The following CANT1 variants were observed in gnomAD, a reference collection of about 807,000 sequenced individuals.
CANT1 encodes soluble calcium-activated nucleotidase 1.
Under a neutral mutation model 30.0 loss-of-function variants are expected in CANT1, and 26 were observed. That is an observed-to-expected ratio of 0.87 (90% CI 0.64 to 1.20). The LOEUF (loss-of-function observed/expected upper bound fraction) is 1.20. Among genes scored for constraint, CANT1 ranks in the 50% most tolerant of loss-of-function variants. The probability of loss-of-function intolerance (pLI) is 0.00; values close to 1 mark genes in which losing one functional copy is unlikely to be tolerated. For synonymous variants in CANT1, 246 were observed against 251.8 expected, an observed-to-expected ratio of 0.98 and a Z score of 0.22; for missense variants, 518 against 563.0, an observed-to-expected ratio of 0.92 and a Z score of 0.81.
chr17:78,995,051 C>T lies in CANT1; in HGVS notation c.802G>A (p.Ala268Thr), dbSNP rs762082546. ...TGGATGCCGGCAGCAGCCCGCAGGG[C>T]GTTGTAGTTGGACACCCAGTTCTCG... The part of the protein sequence containing the change: ...DHENWVSNYN[A>T]LRAAAGIQPP... The change falls in exon 4 of 5, where the codon GCC becomes ACC. Residue 268 changes from alanine (A) to threonine (T), a missense_variant. By Grantham distance (58) the Ala-to-Thr change is moderately conservative. Coordinates refer to ENST00000392446, the MANE Select transcript of CANT1 (RefSeq NM_001159773.2). This position sits in a 1 kb window ranked among gnomAD's most constrained non-coding sequence, Gnocchi z 5.7. The T allele has an allele frequency of 3.6e-5, 58 of 1,596,180 alleles. No individual in the cohort carries two copies. Among genetic ancestry groups the T allele is most frequent in the Admixed American group, 5.2e-5 (3 of 57,624 alleles).
At position 78,992,006 on chromosome 17, in the gene CANT1, A is replaced by G. The variant is rs2145832855; in HGVS notation, c.*1544T>C. On this transcript the variant is annotated 3_prime_UTR_variant, in exon 5 of 5. Transcript: ENST00000392446. ...CCCAGCCTGGACATCAAGGACAATG[A>G]TCTAGGAGGCGGGTCAAGGAGACAG... The G allele has an allele frequency of 4.3e-6, 1 of 231,512 alleles. No homozygotes were observed. Among genetic ancestry groups the G allele is most frequent in the African/African-American group, 2.2e-5 (1 of 45,332 alleles). 14.3% of individuals were successfully genotyped at this position (231,512 alleles called of 1,614,324 possible). A position where few individuals can be genotyped will look rare whatever the true frequency, so the allele number is the denominator to read the frequency against.
At chr17:79,007,133 C>T (rs187534376) in intron 1 of CANT1, among the ~76,000 whole-genome samples, 10 of 152,326 alleles carry the variant, frequency 6.6e-5, no homozygotes, top group Admixed American at 3.9e-4. Flanking sequence ...ATGACAAAGA[C>T]GAGCAGGGTC....
intron 1 of CANT1, among the ~76,000 whole-genome samples, chr17:79,007,695 T>A (rs1396151065): frequency 6.6e-6 from 1 of 152,128 alleles, no homozygotes; most frequent in Non-Finnish European, 1.5e-5. Context: ...ACTCTGCAGC[T>A]CAGGGGGGTC....
At chr17:79,003,447 CGGGGGTG>C (rs947125786) in intron 1 of CANT1, among the ~76,000 whole-genome samples, 2 of 116,254 alleles carry the variant, frequency 1.7e-5, no homozygotes, top group African/African-American at 7.1e-5. Context: ...GGTTCTTTTT[CGGGGGTG>C]GGGGGTGGGG....
At chr17:79,009,148 G>C (rs1207589974) in intron 1 of CANT1, among the ~76,000 whole-genome samples, 1 of 150,972 alleles carries the variant, frequency 6.6e-6, no homozygotes, top group African/African-American at 2.4e-5. Context: ...ACCAGAGGGG[G>C]AGGTGCCCCA....
chr17:78,994,064 C>T, intron 4 of CANT1, 144 bp from the exon 5 acceptor site: 1 of 1,196,064 alleles, frequency 8.4e-7, no homozygotes. Flanking sequence ...CCCTGCTCTC[C>T]AGGATTCTGG....
rs963869837 is a variant in CANT1, at chr17:79,009,671, G to A, written c.-154C>T. The A allele has an allele frequency of 1.3e-5, 2 of 152,098 alleles. No homozygotes were observed. Among genetic ancestry groups the A allele is most frequent in the African/African-American group, 4.8e-5 (2 of 41,366 alleles). The allele number at this position is 152,098 out of a possible 1,614,324, so 9.4% of individuals were successfully genotyped here. Reference sequence around the variant, plus strand: ...GCGGGCGCAGTCACTCACCCGCTGCGGGGCTGGCTCCGGTGCCCGCGATCG... The same window carrying A: ...GCGGGCGCAGTCACTCACCCGCTGCAGGGCTGGCTCCGGTGCCCGCGATCG... On this transcript the variant is annotated 5_prime_UTR_variant, in exon 1 of 5. Coordinates refer to ENST00000392446, the MANE Select transcript of CANT1 (RefSeq NM_001159773.2).
At chr17:78,994,519 G>A (rs1219280729) in intron 4 of CANT1, among the ~76,000 whole-genome samples, 2 of 152,228 alleles carry the variant, frequency 1.3e-5, no homozygotes, top group East Asian at 3.9e-4. Flanking sequence ...CTGCCAGGGC[G>A]AGTGGGGCAG....
rs2046586843 is a variant in CANT1 at position 78,997,574 on chromosome 17, A to G, written c.49T>C (p.Ser17Pro). The change falls in exon 3 of 5, where the codon TCC becomes CCC. Residue 17 changes from serine (S) to proline (P), a missense_variant. Ser to Pro is a moderately conservative substitution (Grantham distance 74). Coordinates refer to ENST00000392446, the MANE Select transcript of CANT1 (RefSeq NM_001159773.2). The surrounding 1 kb of genome is among the most constrained non-coding windows in gnomAD (Gnocchi z 7.5). ...EHPEWNESMH[S>P]LRISVGGLPV... The stretch of plus-strand genomic sequence containing the variant: ...AGGCCCCCCACACTGATCCGGAGGG[A>G]GTGCATAGACTCATTCCATTCCGGG... 1.3e-6 allele frequency: 2 copies of G among 1,565,006 alleles called. No individual in the cohort carries two copies. Among genetic ancestry groups the G allele is most frequent in the East Asian group, 2.3e-5 (1 of 44,208 alleles).
Position 79,002,181 on chromosome 17 carries a change from A to G in CANT1, c.-146-4218T>C, listed in dbSNP as rs1257084327. Among the ~76,000 whole-genome samples the G allele has an allele frequency of 6.6e-6, 1 of 152,148 alleles. No individual in the cohort carries two copies. The highest frequency in any genetic ancestry group is 1.5e-5 in the Non-Finnish European group (1 of 68,038). The stretch of plus-strand genomic sequence containing the variant: ...TTTTTGTTAAGCTCATCAGCTATCA[A>G]TGGATTTTATGTGTGGCCCAAGACA... On this transcript the variant is annotated intron_variant, in intron 1 of 4. Transcript: ENST00000392446. The surrounding 1 kb of genome is among the most constrained non-coding windows in gnomAD (Gnocchi z 4.0).
Position 78,993,778 on chromosome 17 carries a change from G to C in CANT1, c.978C>G (p.Asp326Glu). 6.2e-7 allele frequency: 1 copy of C among 1,612,718 alleles called. No individual in the cohort carries two copies. The highest frequency in any genetic ancestry group is 8.5e-7 in the Non-Finnish European group (1 of 1,179,868). ...CGTGGCTCACAGCGATGTCGCCGAA[G>C]TCAGGGGAGGCGCTCAGCAGCAGGT... ...GANLLLSASP[D>E]FGDIAVSHVG... Residue 326 changes from aspartate (D) to glutamate (E), a missense_variant, in exon 5 of 5, where the codon GAC (aspartate) becomes GAG (glutamate). Transcript: ENST00000392446. This position sits in a 1 kb window ranked among gnomAD's most constrained non-coding sequence, Gnocchi z 4.5.
rs1394212846 is a variant in CANT1, at chr17:78,993,339, A to G, written c.*211T>C. The G allele has an allele frequency of 3.2e-6, 2 of 633,394 alleles. No individual in the cohort carries two copies. Among genetic ancestry groups the G allele is most frequent in the African/African-American group, 3.7e-5 (2 of 54,648 alleles). The allele number at this position is 633,394 out of a possible 1,614,324, so 39.2% of individuals were successfully genotyped here. A position where few individuals can be genotyped will look rare whatever the true frequency, so the allele number is the denominator to read the frequency against. On this transcript the variant is annotated 3_prime_UTR_variant, in exon 5 of 5. Transcript: ENST00000392446. This position sits in a 1 kb window ranked among gnomAD's most constrained non-coding sequence, Gnocchi z 4.5. Reference sequence around the variant, plus strand: ...GCCTGAAGTGACCGAAATCACCACCAGATGGCAGCATGGAAAGCAGTTCAG... The same window carrying G: ...GCCTGAAGTGACCGAAATCACCACCGGATGGCAGCATGGAAAGCAGTTCAG...
rs1000959549 is a variant in CANT1 at position 78,996,280 on chromosome 17, A to G, written c.631+712T>C. On this transcript the variant is annotated intron_variant, in intron 3 of 4. Transcript: ENST00000392446. The surrounding 1 kb of genome is among the most constrained non-coding windows in gnomAD (Gnocchi z 5.1). ...CCTGCGGTGGCATTTAGCTTTCTAG[A>G]AGGTGGGGATCCACCGCCAGCTCAG... Among the ~76,000 whole-genome samples the G allele has an allele frequency of 2.0e-5, 3 of 152,100 alleles. No individual in the cohort carries two copies. Among genetic ancestry groups the G allele is most frequent in the Non-Finnish European group, 2.9e-5 (2 of 67,986 alleles).
chr17:79,007,697 A>G (rs1453039273), intron 1 of CANT1, among the ~76,000 whole-genome samples: 2 of 152,166 alleles, frequency 1.3e-5, no homozygotes, highest in South Asian at 2.1e-4. Context: ...TCTGCAGCTC[A>G]GGGGGGTCCT....
At chr17:78,994,143 G>A (rs954749674) in intron 4 of CANT1, among the ~76,000 whole-genome samples, 4 of 151,510 alleles carry the variant, frequency 2.6e-5, no homozygotes, top group Non-Finnish European at 5.9e-5. Flanking sequence ...GCCTCCTCCC[G>A]TTCCACCGAG....
rs140112462 is a variant in CANT1, at chr17:78,997,190, C to A, written c.433G>T (p.Val145Leu). ...TLSDSGDKVA[V>L]EWDKDHGVLE... Reference sequence around the variant, plus strand: ...ACCCCATGGTCTTTGTCCCATTCCACGGCCACCTTGTCCCCACTGTCTGAC... The same window carrying A: ...ACCCCATGGTCTTTGTCCCATTCCAAGGCCACCTTGTCCCCACTGTCTGAC... The change falls in exon 3 of 5, where the codon GTG becomes TTG. Residue 145 changes from valine (V) to leucine (L), a missense_variant. This residue lies in a region of CANT1 where 249 missense variants were observed against 268.8 expected (regional missense o/e 0.93). Coordinates refer to ENST00000392446, the MANE Select transcript of CANT1 (RefSeq NM_001159773.2). This position sits in a 1 kb window ranked among gnomAD's most constrained non-coding sequence, Gnocchi z 7.5. 4.9e-4 allele frequency: 789 copies of A among 1,614,080 alleles called. 4 individuals are homozygous for A. Among genetic ancestry groups the A allele is most frequent in the Middle Eastern group, 3.0e-3 (18 of 6,084 alleles).
At chr17:79,009,377 G>A (rs1429592333) in intron 1 of CANT1, among the ~76,000 whole-genome samples, 1 of 152,186 alleles carries the variant, frequency 6.6e-6, no homozygotes, top group Admixed American at 6.5e-5. Context: ...CTAACCAGAG[G>A]GTAATGGTCC....
intron 1 of CANT1, among the ~76,000 whole-genome samples, chr17:79,006,422 C>A (rs1254362044): frequency 1.3e-5 from 2 of 152,198 alleles, no homozygotes; most frequent in Admixed American, 1.3e-4. Context: ...ACCTTAATTC[C>A]CCTTTGCCAT....
In CANT1 at chr17:78,993,156, G is replaced by A; in HGVS notation, c.*394C>T. 2 of 364,162 alleles carry A rather than the reference G, an allele frequency of 5.5e-6. No homozygotes were observed. Among genetic ancestry groups the A allele is most frequent in the South Asian group, 3.5e-5 (1 of 28,742 alleles). The allele number at this position is 364,162 out of a possible 1,614,324, so 22.6% of individuals were successfully genotyped here. A position where few individuals can be genotyped will look rare whatever the true frequency, so the allele number is the denominator to read the frequency against. ...GTGACCTGGGGTTCCCAGCAAACAG[G>A]TCCACCTCATGCTCACTGCGTTCTC... On this transcript the variant is annotated 3_prime_UTR_variant, in exon 5 of 5. Transcript: ENST00000392446. The surrounding 1 kb of genome is among the most constrained non-coding windows in gnomAD (Gnocchi z 4.5).
Sources: gnomAD v4.1 joint callset for allele counts (sites outside exome capture counted in the v4.1 genomes callset) on GRCh38, gnomAD v4.1.1 for gene constraint, gnomAD v4.1.1 regional missense constraint, Gnocchi (gnomAD v3.1) non-coding constraint, MANE v1.5 for transcripts, NCBI Gene and HGNC (gene_info 2026-07-23, HGNC 2026-07-21) for gene names.